ISL1: variants seen among roughly 807,000 people sequenced by gnomAD.
The protein encoded by ISL1 is insulin gene enhancer protein ISL-1.
ISL1 carries 4 observed loss-of-function variants against 35.3 expected under a neutral mutation model. The ratio of observed to expected loss-of-function variants is 0.11; its 90% CI spans 0.06 to 0.26. ISL1 has a LOEUF of 0.26. Among genes scored for constraint, ISL1 ranks in the 10% least tolerant of loss-of-function variants. The pLI is 1.00. For missense variants in ISL1, 340 were observed against 472.8 expected, an observed-to-expected ratio of 0.72 and a Z score of 2.60; for synonymous variants, 186 against 172.3, an observed-to-expected ratio of 1.08 and a Z score of -0.62.
In ISL1 at chr5:51,389,540, A is replaced by C. The variant is rs1747431427; in HGVS notation, c.479-106A>C. 16 of 933,452 alleles carry C rather than the reference A, an allele frequency of 1.7e-5. No individual in the cohort carries two copies. In the South Asian group the frequency reaches 3.8e-4, roughly 22 times the overall value. 57.8% of individuals were successfully genotyped at this position (933,452 alleles called of 1,614,324 possible). ...AGTATCTCGGGCGGGCGAGCAAGTAAGCGGGCGGGCGGGCGGGCAAGCGAG... is the reference window on the plus strand; with the variant it reads ...AGTATCTCGGGCGGGCGAGCAAGTACGCGGGCGGGCGGGCGGGCAAGCGAG... On this transcript the variant is annotated intron_variant, in intron 3 of 5. Coordinates refer to ENST00000230658, the MANE Select transcript of ISL1 (RefSeq NM_002202.3). The surrounding 1 kb of genome is among the most constrained non-coding windows in gnomAD (Gnocchi z 5.0).
chr5:51,384,251 G>A lies in ISL1; in HGVS notation c.29-290G>A, dbSNP rs189683792. 4.3e-3 allele frequency among the ~76,000 whole-genome samples: 620 copies of A among 144,910 alleles called. 4 individuals carry two copies. Among genetic ancestry groups the A allele is most frequent in the Non-Finnish European group, 6.4e-3 (426 of 66,334 alleles). On this transcript the variant is annotated intron_variant, in intron 1 of 5. Coordinates refer to ENST00000230658, the MANE Select transcript of ISL1 (RefSeq NM_002202.3). ...GATTATAGCAAAGAGGAAGGGGGGG[G>A]GGAGAAATACAAAATGAGCGGGTTT...
intron 1 of ISL1, 102 bp from the exon 2 acceptor site, chr5:51,384,435 GAAAA>G: frequency 1.1e-6 from 1 of 889,388 alleles, no homozygotes; most frequent in Non-Finnish European, 1.7e-6. Context: ...AAGAAAGAAA[GAAAA>G]AAACCTCCCA....
intron 3 of ISL1, among the ~76,000 whole-genome samples, chr5:51,388,631 A>G (rs928718425): frequency 6.6e-5 from 10 of 152,074 alleles, no homozygotes; most frequent in Non-Finnish European, 1.0e-4. Context: ...ACTTCCTGCC[A>G]TGAATAGATC....
chr5:51,392,711 C>A (rs1747547567), intron 5 of ISL1, among the ~76,000 whole-genome samples: 1 of 152,112 alleles, frequency 6.6e-6, no homozygotes, highest in African/African-American at 2.4e-5. Flanking sequence ...TCAGGGCAGC[C>A]AAATGTTTGC....
In ISL1 at chr5:51,383,693, C is replaced by G. The variant is rs368787467; in HGVS notation, c.22C>G (p.Pro8Ala). MGDMGDP[P>A]KKKRLISLCV... Reference sequence around the variant, plus strand: ...AGATATGGGAGACATGGGAGATCCACCAAAAAGTAAGAGGCTATTTTACCT... The same window carrying G: ...AGATATGGGAGACATGGGAGATCCAGCAAAAAGTAAGAGGCTATTTTACCT... The change falls in exon 1 of 6, where the codon CCA (proline) becomes GCA (alanine). Residue 8 changes from proline (P) to alanine (A), a missense_variant. Transcript: ENST00000230658. The G allele has an allele frequency of 6.3e-5, 101 of 1,611,368 alleles. 1 individual carries two copies. The highest frequency in any genetic ancestry group is 8.0e-5 in the Non-Finnish European group (94 of 1,177,538).
At position 51,387,750 on chromosome 5, in the gene ISL1, G is replaced by A; in HGVS notation, c.478+1G>A. 1 of 1,614,042 alleles carries A rather than the reference G, an allele frequency of 6.2e-7. No individual in the cohort carries two copies. ...CCAGCGCGGCCACTGCAAATGGCAG[G>A]TACTCCTCTGCCCGGCTCGGGTAGG... On this transcript the variant is annotated splice_donor_variant, in intron 3 of 5. Transcript: ENST00000230658. LOFTEE classifies it high-confidence loss of function. This position sits in a 1 kb window ranked among gnomAD's most constrained non-coding sequence, Gnocchi z 4.3.
rs755161643 is a variant in ISL1, at chr5:51,387,523, C to G, written c.252C>G (p.Ile84Met). Reference sequence around the variant, plus strand: ...GGATCAAATGCGCCAAGTGCAGCATCGGCTTCAGCAAGAACGACTTCGTGA... The same window carrying G: ...GGATCAAATGCGCCAAGTGCAGCATGGGCTTCAGCAAGAACGACTTCGTGA... ...LYGIKCAKCS[I>M]GFSKNDFVMR... The change falls in exon 3 of 6, where the codon ATC (isoleucine) becomes ATG (methionine). Residue 84 changes from isoleucine to methionine, a missense_variant. Coordinates refer to ENST00000230658, the MANE Select transcript of ISL1 (RefSeq NM_002202.3). The surrounding 1 kb of genome is among the most constrained non-coding windows in gnomAD (Gnocchi z 4.3). 1 of 1,614,180 alleles carries G rather than the reference C, an allele frequency of 6.2e-7. No individual in the cohort carries two copies. The highest frequency in any genetic ancestry group is 1.3e-5 in the African/African-American group (1 of 75,054).
rs1369705378 is a variant in ISL1, at chr5:51,392,927, G to A, written c.934-567G>A. ...ATAATATATGGGTCTCATTTTGGAA[G>A]GAAGAGCCTGATTTAAAGAGAGAGA... On this transcript the variant is annotated intron_variant, in intron 5 of 5. Transcript: ENST00000230658. 2.6e-5 allele frequency among the ~76,000 whole-genome samples: 4 copies of A among 152,142 alleles called. No homozygotes were observed. The East Asian group carries it at 7.7e-4, about 29-fold the overall frequency.
At chr5:51,393,410 C>T (rs1442966873) in intron 5 of ISL1, 84 bp from the exon 6 acceptor site, 1 of 820,180 alleles carries the variant, frequency 1.2e-6, no homozygotes, top group African/African-American at 1.7e-5. Flanking sequence ...ACAAACATTT[C>T]TACATATACA....
In ISL1 at chr5:51,389,659, C is replaced by A; in HGVS notation, c.492C>A (p.Ser164=). The A allele has an allele frequency of 6.2e-7, 1 of 1,609,976 alleles. No homozygotes were observed. The highest frequency in any genetic ancestry group is 1.7e-5 in the Admixed American group (1 of 59,966). Residue 164 remains serine, a synonymous_variant, in exon 4 of 6, where the codon TCC becomes TCA. Coordinates refer to ENST00000230658, the MANE Select transcript of ISL1 (RefSeq NM_002202.3). The surrounding 1 kb of genome is among the most constrained non-coding windows in gnomAD (Gnocchi z 5.0). ...RPLQMAAEPI[S]ARQPALRPHV... ...CTTGCCCCGCAGCGGAGCCCATCTC[C>A]GCCAGGCAGCCAGCCCTGCGGCCCC... is the stretch of plus-strand genomic sequence containing the variant.
Position 51,385,824 on chromosome 5 carries a change from A to C in ISL1, c.218+1094A>C, listed in dbSNP as rs535211741. ...AACAAGTAATTAATTAGCTTTTGTT[A>C]GGCAAATGGTTTCTGGAGCTTGAGA... On this transcript the variant is annotated intron_variant, in intron 2 of 5. Coordinates refer to ENST00000230658, the MANE Select transcript of ISL1 (RefSeq NM_002202.3). Among the ~76,000 whole-genome samples, 75 of 152,190 alleles carry C rather than the reference A, an allele frequency of 4.9e-4. 1 individual carries two copies. The highest frequency in any genetic ancestry group is 1.7e-3 in the African/African-American group (72 of 41,438).
rs1419899574 is a variant in ISL1 at position 51,389,204 on chromosome 5, C to T, written c.479-442C>T. 6.6e-6 allele frequency among the ~76,000 whole-genome samples: 1 copy of T among 151,970 alleles called. No individual in the cohort carries two copies. ...CTTGGCCCAAGAGAAAATTCTGATC[C>T]TGGAGAGGGTGGTAATCAATGTAAC... On this transcript the variant is annotated intron_variant, in intron 3 of 5. Coordinates refer to ENST00000230658, the MANE Select transcript of ISL1 (RefSeq NM_002202.3). This position sits in a 1 kb window ranked among gnomAD's most constrained non-coding sequence, Gnocchi z 5.0.
chr5:51,390,014 G>C, intron 4 of ISL1, 82 bp downstream of exon 4: 2 of 1,494,752 alleles, frequency 1.3e-6, no homozygotes, highest in Non-Finnish European at 1.8e-6. Context: ...ACGCAGGATC[G>C]CACGGTTTTC....
chr5:51,389,282 G>GA lies in ISL1; in HGVS notation c.479-359dup, dbSNP rs1376977486. Among the ~76,000 whole-genome samples the GA allele has an allele frequency of 6.6e-6, 1 of 152,070 alleles. No individual in the cohort carries two copies. The highest frequency in any genetic ancestry group is 1.5e-5 in the Non-Finnish European group (1 of 68,004). On this transcript the variant is annotated intron_variant, in intron 3 of 5. Coordinates refer to ENST00000230658, the MANE Select transcript of ISL1 (RefSeq NM_002202.3). The surrounding 1 kb of genome is among the most constrained non-coding windows in gnomAD (Gnocchi z 5.0). ...GTGAGAATGGAGGAGAAACAGTGCT[G>GA]AAAAATGCCACCCCTGCTGTGAACA...
At chr5:51,386,965 T>C (rs560841323) in intron 2 of ISL1, among the ~76,000 whole-genome samples, 1 of 152,290 alleles carries the variant, frequency 6.6e-6, no homozygotes, top group East Asian at 1.9e-4. Context: ...ACAATCCCCT[T>C]CTCCTACCTC....
rs146340606 is a variant in ISL1, at chr5:51,387,382, G to A, written c.219-108G>A. On this transcript the variant is annotated intron_variant, in intron 2 of 5. Coordinates refer to ENST00000230658, the MANE Select transcript of ISL1 (RefSeq NM_002202.3). This position sits in a 1 kb window ranked among gnomAD's most constrained non-coding sequence, Gnocchi z 4.3. The stretch of plus-strand genomic sequence containing the variant: ...TTTGGAAATGCTGTTTACTTGGGGC[G>A]TCTTGCCCGGGATCTTGGGCCAGGG... The A allele has an allele frequency of 6.5e-6, 8 of 1,232,522 alleles. No individual in the cohort carries two copies. Among genetic ancestry groups the A allele is most frequent in the East Asian group, 2.5e-5 (1 of 39,634 alleles). 76.3% of individuals were successfully genotyped at this position (1,232,522 alleles called of 1,614,324 possible). A position where few individuals can be genotyped will look rare whatever the true frequency, so the allele number is the denominator to read the frequency against.
chr5:51,389,568 A>C lies in ISL1; in HGVS notation c.479-78A>C. On this transcript the variant is annotated intron_variant, in intron 3 of 5. Transcript: ENST00000230658. This position sits in a 1 kb window ranked among gnomAD's most constrained non-coding sequence, Gnocchi z 5.0. ...GGGCGGGCGGGCGGGCAAGCGAGCG[A>C]GCGAGCGAGCGCGCGACCGCGGGCG... The C allele has an allele frequency of 7.7e-7, 1 of 1,300,216 alleles. No individual in the cohort carries two copies. Among genetic ancestry groups the C allele is most frequent in the South Asian group, 1.9e-5 (1 of 52,786 alleles). 80.5% of individuals were successfully genotyped at this position (1,300,216 alleles called of 1,614,324 possible).
chr5:51,389,224 T>A lies in ISL1; in HGVS notation c.479-422T>A, dbSNP rs1360484131. 6.6e-6 allele frequency among the ~76,000 whole-genome samples: 1 copy of A among 151,832 alleles called. No individual in the cohort carries two copies. On this transcript the variant is annotated intron_variant, in intron 3 of 5. Transcript: ENST00000230658. This position sits in a 1 kb window ranked among gnomAD's most constrained non-coding sequence, Gnocchi z 5.0. ...TGATCCTGGAGAGGGTGGTAATCAA[T>A]GTAACTGGGGCCCAGTCTGGGCACA...
chr5:51,383,893 A>T (rs1580726028), intron 1 of ISL1, among the ~76,000 whole-genome samples, 194 bp downstream of exon 1: 1 of 152,044 alleles, frequency 6.6e-6, no homozygotes, highest in East Asian at 1.9e-4. Flanking sequence ...AACTGATTGT[A>T]CCTTGTGTGT....
Sources: gnomAD v4.1 joint callset for allele counts (sites outside exome capture counted in the v4.1 genomes callset) on GRCh38, gnomAD v4.1.1 for gene constraint, Gnocchi (gnomAD v3.1) non-coding constraint, MANE v1.5 for transcripts, NCBI Gene and HGNC (gene_info 2026-07-23, HGNC 2026-07-21) for gene names.